Variants in ESRRG observed in about 807,000 individuals in gnomAD.
ESRRG encodes estrogen-related receptor gamma.
ESRRG carries 13 observed loss-of-function variants against 44.0 expected under a neutral mutation model. That is an observed-to-expected ratio of 0.30 (90% confidence interval 0.19 to 0.47). The LOEUF (loss-of-function observed/expected upper bound fraction) is 0.47. ESRRG is among the 20% of genes least tolerant of loss of function. ESRRG has a pLI of 1.00. For synonymous variants in ESRRG, 215 were observed against 214.6 expected, an observed-to-expected ratio of 1.00 and a Z score of -0.02; for missense variants, 395 against 580.6, an observed-to-expected ratio of 0.68 and a Z score of 3.29.
rs1407166770 is a variant in ESRRG at position 216,912,198 on chromosome 1, G to A, written c.-14+27384C>T. ...AAGAAAAGAAAAGGAGAGGAGAGGA[G>A]AGGAGAGGAGAGGAGAGGAGAGGAG... is the stretch of plus-strand genomic sequence containing the variant. On this transcript the variant is annotated intron_variant, in intron 2 of 7. Coordinates refer to the ESRRG transcript ENST00000359162. Among the ~76,000 whole-genome samples the A allele has an allele frequency of 5.2e-3, 36 of 6,978 alleles. 1 individual carries two copies. Among genetic ancestry groups the A allele is most frequent in the South Asian group, 0.02 (3 of 150 alleles). The allele number at this position is 6,978 out of a possible 152,430, so 4.6% of individuals were successfully genotyped here. A position where few individuals can be genotyped will look rare whatever the true frequency, so the allele number is the denominator to read the frequency against.
intron 1 of ESRRG, among the ~76,000 whole-genome samples, chr1:216,682,522 G>T (rs2077195770): frequency 6.6e-6 from 1 of 152,036 alleles, no homozygotes; most frequent in African/African-American, 2.4e-5. Context: ...GCTCCTCTGT[G>T]TGATTCATCA....
chr1:216,708,096 A>G (rs1184476407), intron 1 of ESRRG, among the ~76,000 whole-genome samples: 6 of 152,200 alleles, frequency 3.9e-5, no homozygotes, highest in Non-Finnish European at 8.8e-5. Flanking sequence ...TGTAGTTCAT[A>G]ATGATTTGAA....
intron 1 of ESRRG, among the ~76,000 whole-genome samples, chr1:217,088,431 G>T (rs2092230369): frequency 1.8e-5 from 2 of 112,880 alleles, no homozygotes; most frequent in African/African-American, 3.6e-5. Flanking sequence ...TTTTTTGAGA[G>T]AGAGAGAGAG....
At chr1:216,541,640 C>T (rs1297822039) in intron 5 of ESRRG, among the ~76,000 whole-genome samples, 5 of 147,386 alleles carry the variant, frequency 3.4e-5, no homozygotes, top group Non-Finnish European at 6.0e-5. Flanking sequence ...TGGCCAAGAG[C>T]TTAAGATGAG....
At chr1:216,602,881 T>A (rs753716437) in intron 3 of ESRRG, among the ~76,000 whole-genome samples, 2 of 152,228 alleles carry the variant, frequency 1.3e-5, no homozygotes, top group African/African-American at 4.8e-5. Context: ...ATTGTTTTCA[T>A]TGTCTACATG....
rs773587075 is a variant in ESRRG, at chr1:216,507,134, G to A, written c.1182C>T (p.Val394=). 89 of 1,613,256 alleles carry A rather than the reference G, an allele frequency of 5.5e-5. No individual in the cohort carries two copies. Among genetic ancestry groups the A allele is most frequent in the Non-Finnish European group, 6.6e-5 (78 of 1,179,714 alleles). The part of the protein sequence containing the change: ...DVEAVQKLQD[V]LHEALQDYEA... ...CATAATCCTGCAGCGCTTCATGTAA[G>A]ACATCCTGAAGCTTCTGAACGGCTT... The change falls in exon 7 of 7, where the codon GTC becomes GTT. Residue 394 remains valine (V), a synonymous_variant. Transcript: ENST00000408911.
At chr1:216,655,800 T>TCCCA (rs2070350363) in intron 2 of ESRRG, among the ~76,000 whole-genome samples, 1 of 152,158 alleles carries the variant, frequency 6.6e-6, no homozygotes, top group Non-Finnish European at 1.5e-5. Flanking sequence ...TTCCAGGCCC[T>TCCCA]CCCATTGAGT....
intron 1 of ESRRG, among the ~76,000 whole-genome samples, chr1:216,983,810 A>T (rs2074407311): frequency 6.6e-6 from 1 of 151,990 alleles, no homozygotes; most frequent in Admixed American, 6.6e-5. Flanking sequence ...TAAAAAATGC[A>T]TTCTTCTATA....
At chr1:217,089,620 T>G (rs909630471), upstream of ESRRG, 13 of 152,148 alleles carry the variant, frequency 8.5e-5, no homozygotes, top group African/African-American at 2.9e-4. Flanking sequence ...TGCAGGAACA[T>G]TGCACATCTT....
At chr1:216,791,263 A>C (rs6604645) in intron 2 of ESRRG, among the ~76,000 whole-genome samples, 1 of 151,742 alleles carries the variant, frequency 6.6e-6, no homozygotes, top group Non-Finnish European at 1.5e-5. Context: ...GCAAGATCTG[A>C]TCATTTAAAA....
chr1:216,883,528 G>A (rs1432144001), intron 2 of ESRRG, among the ~76,000 whole-genome samples: 30 of 151,760 alleles, frequency 2.0e-4, no homozygotes, highest in Admixed American at 1.8e-3. Flanking sequence ...CTATTGCTTC[G>A]ATGGGGCCAT....
intron 1 of ESRRG, among the ~76,000 whole-genome samples, chr1:216,682,718 G>GTGTGTGTGTGTA (rs1422176335): frequency 6.6e-6 from 1 of 151,550 alleles, no homozygotes; most frequent in African/African-American, 2.4e-5. Context: ...TAGTGTGTGT[G>GTGTGTGTGTGTA]TGTGTGTGTG....
intron 3 of ESRRG, among the ~76,000 whole-genome samples, chr1:216,630,433 C>T (rs894380972): frequency 7.2e-6 from 1 of 138,848 alleles, no homozygotes; most frequent in Non-Finnish European, 1.6e-5. Flanking sequence ...TGTGCATGCA[C>T]ATGTGCGTGT....
At chr1:216,765,781 G>A (rs914380399) in intron 2 of ESRRG, among the ~76,000 whole-genome samples, 2 of 152,070 alleles carry the variant, frequency 1.3e-5, no homozygotes, top group South Asian at 2.1e-4. Context: ...GCAGTGGGGC[G>A]TTCCACTGCC....
intron 2 of ESRRG, among the ~76,000 whole-genome samples, chr1:216,892,316 C>T (rs576597363): frequency 1.2e-3 from 176 of 152,160 alleles, no homozygotes; most frequent in African/African-American, 4.1e-3. Context: ...AGACCCTCTC[C>T]CTAGAGATCT....
intron 1 of ESRRG, among the ~76,000 whole-genome samples, chr1:217,005,696 T>C (rs2789568): frequency 0.19 from 28,489 of 152,052 alleles, 2,913 homozygotes; most frequent in East Asian, 0.45. Context: ...AACATTAGCA[T>C]TGGTTCTTAA....
chr1:216,832,142 A>G (rs1435462916), intron 2 of ESRRG, among the ~76,000 whole-genome samples: 1 of 152,194 alleles, frequency 6.6e-6, no homozygotes, highest in African/African-American at 2.4e-5. Context: ...CTCATTTACA[A>G]TGAATCATTG....
intron 2 of ESRRG, among the ~76,000 whole-genome samples, chr1:216,853,153 T>C (rs2095866701): frequency 6.6e-6 from 1 of 152,150 alleles, no homozygotes; most frequent in African/African-American, 2.4e-5. Flanking sequence ...CTGAATCAAG[T>C]TAATGGTAAA....
At chr1:216,973,537 T>C (rs2072168913) in intron 1 of ESRRG, among the ~76,000 whole-genome samples, 1 of 152,154 alleles carries the variant, frequency 6.6e-6, no homozygotes, top group African/African-American at 2.4e-5. Flanking sequence ...AGGATGGCTT[T>C]AACATCTTAA....
Sources: allele counts gnomAD v4.1 joint callset (sites outside exome capture counted in the v4.1 genomes callset), GRCh38; gene constraint gnomAD v4.1.1; transcripts MANE v1.5; gene names NCBI Gene and HGNC (gene_info 2026-07-23, HGNC 2026-07-21).